Variants in ADAMTS16 observed in about 807,000 individuals in gnomAD.
ADAMTS16 encodes the protein A disintegrin and metalloproteinase with thrombospondin motifs 16.
A neutral mutation model predicts 145.8 loss-of-function variants in ADAMTS16; 94 were observed. The observed-to-expected ratio is 0.64, with a 90% CI of 0.55 to 0.77. The LOEUF is 0.77. Among genes scored for constraint, ADAMTS16 ranks in the 30% least tolerant of loss-of-function variants. ADAMTS16 has a pLI of 0.00. For synonymous variants in ADAMTS16, 659 were observed against 604.3 expected (o/e 1.09, Z -1.33); for missense variants, 1,585 against 1,591.5 (o/e 1.00, Z 0.07).
chr5:5,252,713 A>G (rs960277641), intron 17 of ADAMTS16, among the ~76,000 whole-genome samples: 2 of 152,226 alleles, frequency 1.3e-5, no homozygotes, highest in African/African-American at 4.8e-5. Flanking sequence ...ATGATGGAAT[A>G]TGCTGCAATA....
At chr5:5,286,216 T>A (rs1560987968) in intron 18 of ADAMTS16, among the ~76,000 whole-genome samples, 1 of 152,200 alleles carries the variant, frequency 6.6e-6, no homozygotes, top group Admixed American at 6.5e-5. Context: ...ACCACTGAAA[T>A]CTAAAATAGA....
chr5:5,309,872 G>C (rs116326411), intron 21 of ADAMTS16, among the ~76,000 whole-genome samples: 1 of 151,594 alleles, frequency 6.6e-6, no homozygotes, highest in Admixed American at 6.6e-5. Context: ...GATCAGAAGA[G>C]GGAGAGGCGC....
chr5:5,213,268 G>T (rs907123159), intron 10 of ADAMTS16, among the ~76,000 whole-genome samples: 1 of 151,974 alleles, frequency 6.6e-6, no homozygotes, highest in Non-Finnish European at 1.5e-5. Context: ...TTTCCCTAAG[G>T]CCTAAAGAAC....
chr5:5,250,705 C>CTGTG (rs1342870465), intron 17 of ADAMTS16, among the ~76,000 whole-genome samples: 2 of 4,042 alleles, frequency 4.9e-4, no homozygotes, highest in African/African-American at 7.8e-4. Flanking sequence ...TCTGTCTCTT[C>CTGTG]TCTCTGTGTG....
At chr5:5,245,047 A>C (rs1737399004) in intron 17 of ADAMTS16, among the ~76,000 whole-genome samples, 1 of 152,132 alleles carries the variant, frequency 6.6e-6, no homozygotes, top group Non-Finnish European at 1.5e-5. Flanking sequence ...CTCAATTTTA[A>C]GTGGTTATTT....
In ADAMTS16 at chr5:5,186,301, G is replaced by GGGGTGTGTGTGTGT. The variant is rs368811446; in HGVS notation, c.963+51_963+52insGGTGTGTGTGTGTG. 3.0e-4 allele frequency: 293 copies of GGGGTGTGTGTGTGT among 987,432 alleles called. 1 individual carries two copies. The African/African-American group carries it at 3.6e-3, about 12-fold the overall frequency. 61.2% of individuals were successfully genotyped at this position (987,432 alleles called of 1,614,324 possible). On this transcript the variant is annotated intron_variant, in intron 5 of 22. Coordinates refer to ENST00000274181, the MANE Select transcript of ADAMTS16 (RefSeq NM_139056.4). ...CCACCTGTGTCATTGCACTTCGTAGGGTGTGTGTGTGTGTGTGTGTGTGTG... is the reference window on the plus strand; with the variant it reads ...CCACCTGTGTCATTGCACTTCGTAGGGGGTGTGTGTGTGTGTGTGTGTGTGTGTGTGTGTGTGTG...
At chr5:5,230,117 C>A (rs1736881707) in intron 11 of ADAMTS16, among the ~76,000 whole-genome samples, 1 of 151,948 alleles carries the variant, frequency 6.6e-6, no homozygotes, top group Admixed American at 6.6e-5. Context: ...TCTAGAGAAC[C>A]CAGGGGACGT....
In ADAMTS16 at chr5:5,310,267, C is replaced by T. The variant is rs982324831; in HGVS notation, c.3411+3539C>T. Among the ~76,000 whole-genome samples, 3 of 152,088 alleles carry T rather than the reference C, an allele frequency of 2.0e-5. No individual in the cohort carries two copies. The highest frequency in any genetic ancestry group is 1.9e-4 in the East Asian group (1 of 5,170). On this transcript the variant is annotated intron_variant, in intron 21 of 22. Coordinates refer to ENST00000274181, the MANE Select transcript of ADAMTS16 (RefSeq NM_139056.4). This position sits in a 1 kb window ranked among gnomAD's most constrained non-coding sequence, Gnocchi z 4.3. ...AGCTCGTAGGACCCCACCCACACTG[C>T]GCAGCCCATCTCTCATCCTTCCTAG... is the stretch of plus-strand genomic sequence containing the variant.
intron 18 of ADAMTS16, among the ~76,000 whole-genome samples, chr5:5,281,519 A>G (rs1738905112): frequency 6.6e-6 from 1 of 152,244 alleles, no homozygotes; most frequent in Non-Finnish European, 1.5e-5. Context: ...TCATTGCATA[A>G]CACAAATATA....
intron 8 of ADAMTS16, among the ~76,000 whole-genome samples, chr5:5,199,269 A>C (rs1486215524): frequency 6.6e-6 from 1 of 152,120 alleles, no homozygotes; most frequent in Non-Finnish European, 1.5e-5. Context: ...AGGTGTTATT[A>C]AGGGAGTGTT....
intron 3 of ADAMTS16, among the ~76,000 whole-genome samples, chr5:5,168,938 C>T (rs1050028484): frequency 2.6e-5 from 4 of 151,030 alleles, no homozygotes; most frequent in African/African-American, 4.9e-5. Context: ...CCCCGGATTC[C>T]TCTCAATAGT....
At chr5:5,247,762 T>C (rs1294879849) in intron 17 of ADAMTS16, among the ~76,000 whole-genome samples, 3 of 152,264 alleles carry the variant, frequency 2.0e-5, no homozygotes, top group African/African-American at 7.2e-5. Context: ...CCCTTTGCCA[T>C]TGACAAGTCA....
In ADAMTS16 at chr5:5,146,285, G is replaced by A. The variant is rs766063759; in HGVS notation, c.331G>A (p.Asp111Asn). ...AGGCTCCAGGCACGACTTCCACATGGATCTGAGGACTTCCAGCAGCCTAGT... is the reference window on the plus strand; with the variant it reads ...AGGCTCCAGGCACGACTTCCACATGAATCTGAGGACTTCCAGCAGCCTAGT... ...LKGSRHDFHM[D>N]LRTSSSLVAP... The change falls in exon 3 of 23, where the codon GAT (aspartate) becomes AAT (asparagine). Residue 111 changes from aspartate (D) to asparagine (N), a missense_variant. Asp to Asn is a conservative substitution (Grantham distance 23, BLOSUM62 1). This residue lies in a region of ADAMTS16 where 453 missense variants were observed against 412.1 expected (regional missense o/e 1.10). Coordinates refer to ENST00000274181, the MANE Select transcript of ADAMTS16 (RefSeq NM_139056.4). 1.2e-6 allele frequency: 2 copies of A among 1,614,176 alleles called. No individual in the cohort carries two copies. Among genetic ancestry groups the A allele is most frequent in the Non-Finnish European group, 1.7e-6 (2 of 1,180,032 alleles).
chr5:5,158,221 G>A (rs1734650053), intron 3 of ADAMTS16, among the ~76,000 whole-genome samples: 1 of 152,088 alleles, frequency 6.6e-6, no homozygotes, highest in Non-Finnish European at 1.5e-5. Context: ...CCTCTCAATA[G>A]ACAAAGAGCA....
At chr5:5,318,406 C>G (rs902275363) in intron 22 of ADAMTS16, 125 bp downstream of exon 22, 1 of 1,017,214 alleles carries the variant, frequency 9.8e-7, no homozygotes. Context: ...CTCTTTGCAT[C>G]TTCTCCAGTT....
At position 5,309,104 on chromosome 5, in the gene ADAMTS16, T is replaced by C. The variant is rs955754185; in HGVS notation, c.3411+2376T>C. 9.8e-5 allele frequency among the ~76,000 whole-genome samples: 15 copies of C among 152,296 alleles called. No homozygotes were observed. The East Asian group carries it at 2.9e-3, about 29-fold the overall frequency. On this transcript the variant is annotated intron_variant, in intron 21 of 22. Transcript: ENST00000274181. ...ACATACGCACTCACACACACATGCA[T>C]AAACCACATATACAGTCATCCCTCT...
At chr5:5,169,842 A>G (rs891629810) in intron 3 of ADAMTS16, among the ~76,000 whole-genome samples, 4 of 152,110 alleles carry the variant, frequency 2.6e-5, no homozygotes, top group African/African-American at 9.7e-5. Context: ...GCAGAAGTGG[A>G]TGTGTCTACT....
At chr5:5,225,376 C>A (rs942950559) in intron 11 of ADAMTS16, among the ~76,000 whole-genome samples, 4 of 152,118 alleles carry the variant, frequency 2.6e-5, no homozygotes, top group African/African-American at 9.7e-5. Flanking sequence ...CTGAGGTGGG[C>A]AGATCACGAC....
Position 5,319,258 on chromosome 5 carries a change from C to G in ADAMTS16, c.*120C>G. 1.3e-6 allele frequency: 1 copy of G among 751,822 alleles called. No individual in the cohort carries two copies. Among genetic ancestry groups the G allele is most frequent in the East Asian group, 2.7e-5 (1 of 37,010 alleles). The allele number at this position is 751,822 out of a possible 1,614,324, so 46.6% of individuals were successfully genotyped here. On this transcript the variant is annotated 3_prime_UTR_variant, in exon 23 of 23. Transcript: ENST00000274181. ...AAGAGCAAAGCCAAAAGAAGAAAAC[C>G]GTGTTAGGCTCTTTGACCAGGAGTG...
Sources: allele counts gnomAD v4.1 joint callset (sites outside exome capture counted in the v4.1 genomes callset), GRCh38; gene constraint gnomAD v4.1.1; regional missense constraint gnomAD v4.1.1; non-coding constraint Gnocchi (gnomAD v3.1); transcripts MANE v1.5; gene names NCBI Gene and HGNC (gene_info 2026-07-23, HGNC 2026-07-21).